Variants in DNER observed in about 807,000 individuals in gnomAD.
The protein encoded by DNER is delta and Notch-like epidermal growth factor-related receptor.
DNER carries 33 observed loss-of-function variants against 78.2 expected under a neutral mutation model. That is an observed-to-expected ratio of 0.42 (90% CI 0.32 to 0.56). The LOEUF is 0.56. Among genes scored for constraint, DNER ranks in the 20% least tolerant of loss-of-function variants. The probability of loss-of-function intolerance (pLI) is 0.11; values close to 1 mark genes in which losing one functional copy is unlikely to be tolerated. For synonymous variants in DNER, 417 were observed against 384.8 expected, an observed-to-expected ratio of 1.08 and a Z score of -0.98; for missense variants, 918 against 975.3, an observed-to-expected ratio of 0.94 and a Z score of 0.78.
chr2:229,430,177 T>C (rs1693974018), intron 8 of DNER, among the ~76,000 whole-genome samples: 1 of 152,234 alleles, frequency 6.6e-6, no homozygotes, highest in African/African-American at 2.4e-5. Flanking sequence ...GACAATTGTT[T>C]TGTTAAGGGA....
chr2:229,443,714 C>G (rs1449468723), intron 8 of DNER, among the ~76,000 whole-genome samples: 1 of 152,186 alleles, frequency 6.6e-6, no homozygotes. Flanking sequence ...CGTTTGCTCT[C>G]TGTAAAGAAG....
chr2:229,564,406 A>T (rs911370176), intron 4 of DNER, among the ~76,000 whole-genome samples: 100 of 69,364 alleles, frequency 1.4e-3, no homozygotes, highest in Middle Eastern at 0.016. Context: ...ATCATCATCA[A>T]CATCATCACA....
At chr2:229,688,247 A>T (rs985428793) in intron 1 of DNER, among the ~76,000 whole-genome samples, 2 of 152,184 alleles carry the variant, frequency 1.3e-5, no homozygotes, top group African/African-American at 4.8e-5. Flanking sequence ...TAACACATGG[A>T]TGTCTACTCT....
intron 5 of DNER, among the ~76,000 whole-genome samples, chr2:229,518,186 A>C (rs1696018977): frequency 6.6e-6 from 1 of 152,214 alleles, no homozygotes; most frequent in Non-Finnish European, 1.5e-5. Context: ...TCCAAGTATG[A>C]GAGGTATCTT....
At chr2:229,513,239 G>T (rs115505565) in intron 5 of DNER, among the ~76,000 whole-genome samples, 1,764 of 152,306 alleles carry the variant, frequency 0.012, 19 homozygotes, top group Middle Eastern at 0.037. Context: ...GGCCAGACAT[G>T]GAAATGGCAA....
chr2:229,594,952 T>TAAAAAAAA (rs200824543), intron 1 of DNER, among the ~76,000 whole-genome samples: 4 of 102,694 alleles, frequency 3.9e-5, no homozygotes, highest in African/African-American at 1.3e-4. Context: ...AAATGCTGTT[T>TAAAAAAAA]AAAAAAAAAA....
At chr2:229,536,108 G>A (rs1559159926) in intron 5 of DNER, among the ~76,000 whole-genome samples, 1 of 152,170 alleles carries the variant, frequency 6.6e-6, no homozygotes, top group Admixed American at 6.5e-5. Context: ...ACCATGGTGG[G>A]GAAATGCTAA....
intron 1 of DNER, among the ~76,000 whole-genome samples, chr2:229,626,642 C>T (rs1162126600): frequency 6.6e-6 from 1 of 152,140 alleles, no homozygotes; most frequent in Non-Finnish European, 1.5e-5. Context: ...ATAATACCAG[C>T]TTTTCCCATA....
chr2:229,663,003 G>T (rs185885072), intron 1 of DNER, among the ~76,000 whole-genome samples: 1 of 152,268 alleles, frequency 6.6e-6, no homozygotes, highest in East Asian at 1.9e-4. Context: ...TTCTAAGATT[G>T]GGTGCTCCTC....
At chr2:229,588,717 T>C (rs192561178) in intron 2 of DNER, among the ~76,000 whole-genome samples, 26 of 152,344 alleles carry the variant, frequency 1.7e-4, no homozygotes, top group African/African-American at 5.8e-4. Flanking sequence ...TACAAATTCC[T>C]GGGATTGTTA....
intron 9 of DNER, among the ~76,000 whole-genome samples, chr2:229,408,781 T>A (rs552485091): frequency 1.3e-5 from 2 of 152,362 alleles, no homozygotes; most frequent in Admixed American, 1.3e-4. Flanking sequence ...CACTAATGAC[T>A]TATTTGAGCC....
At chr2:229,641,953 T>C (rs1698632850) in intron 1 of DNER, among the ~76,000 whole-genome samples, 1 of 152,112 alleles carries the variant, frequency 6.6e-6, no homozygotes, top group South Asian at 2.1e-4. Context: ...AGATATAACA[T>C]TAGGGTGTCA....
intron 4 of DNER, among the ~76,000 whole-genome samples, chr2:229,579,033 CT>C (rs1299451077): frequency 6.6e-6 from 1 of 152,170 alleles, no homozygotes; most frequent in African/African-American, 2.4e-5. Flanking sequence ...CTGTTACATG[CT>C]TGTTGAAATA....
intron 1 of DNER, among the ~76,000 whole-genome samples, chr2:229,596,713 T>C (rs1392013298): frequency 6.6e-6 from 1 of 152,236 alleles, no homozygotes; most frequent in Non-Finnish European, 1.5e-5. Flanking sequence ...GAATCAATAA[T>C]ACCCTAAGTG....
intron 1 of DNER, among the ~76,000 whole-genome samples, chr2:229,637,347 G>T (rs1232181952): frequency 4.6e-5 from 7 of 152,154 alleles, no homozygotes; most frequent in Admixed American, 4.6e-4. Flanking sequence ...ATATGCTTTA[G>T]TCTTTACTCT....
chr2:229,447,562 C>T (rs781146866), intron 7 of DNER, 22 bp from the exon 8 acceptor site: 12 of 1,605,964 alleles, frequency 7.5e-6, no homozygotes, highest in Non-Finnish European at 9.4e-6. Flanking sequence ...CACATGAGAG[C>T]TTAAAAAAAC....
chr2:229,600,367 G>C (rs1697805217), intron 1 of DNER, among the ~76,000 whole-genome samples: 1 of 152,172 alleles, frequency 6.6e-6, no homozygotes, highest in South Asian at 2.1e-4. Context: ...CCCTGATCTA[G>C]ACAGTACAGA....
At chr2:229,634,567 C>T (rs1400983207) in intron 1 of DNER, among the ~76,000 whole-genome samples, 1 of 152,070 alleles carries the variant, frequency 6.6e-6, no homozygotes, top group Non-Finnish European at 1.5e-5. Flanking sequence ...GTAATTACAT[C>T]CGGAATTTGC....
At chr2:229,511,613 C>T (rs957281796) in intron 6 of DNER, among the ~76,000 whole-genome samples, 2 of 152,130 alleles carry the variant, frequency 1.3e-5, no homozygotes, top group Non-Finnish European at 2.9e-5. Context: ...CATACATGAA[C>T]AAAAGGAAAT....
Sources: allele counts gnomAD v4.1 joint callset (sites outside exome capture counted in the v4.1 genomes callset), GRCh38; gene constraint gnomAD v4.1.1; transcripts MANE v1.5; gene names NCBI Gene and HGNC (gene_info 2026-07-23, HGNC 2026-07-21).